ASCC3: variants seen among roughly 807,000 people sequenced by gnomAD.
ASCC3 encodes activating signal cointegrator 1 complex subunit 3.
A neutral mutation model predicts 256.3 loss-of-function variants in ASCC3; 158 were observed. The ratio of observed to expected loss-of-function variants is 0.62; its 90% CI spans 0.54 to 0.70. The LOEUF (loss-of-function observed/expected upper bound fraction) is 0.70. Ranked by LOEUF, ASCC3 falls within the 30% of genes least tolerant of loss-of-function variation. The pLI is 0.00. For missense variants in ASCC3, 2,259 were observed against 2,626.0 expected (o/e 0.86, Z 3.05); for synonymous variants, 948 against 883.4 (o/e 1.07, Z -1.30).
rs755098055 is a variant in ASCC3 at position 100,589,897 on chromosome 6, T to A, written c.5415+51A>T. The stretch of plus-strand genomic sequence containing the variant: ...GATAGTATTAAAAGCAAAAGACCTG[T>A]CAAAAAGCTGGGCAATCTTTTCAAT... On this transcript the variant is annotated intron_variant, in intron 35 of 41. Transcript: ENST00000369162. The A allele has an allele frequency of 3.1e-6, 5 of 1,593,672 alleles. No individual in the cohort carries two copies. In the Admixed American group the frequency reaches 8.4e-5, roughly 27 times the overall value.
At chr6:100,560,401 C>T (rs1246805462) in intron 36 of ASCC3, among the ~76,000 whole-genome samples, 2 of 152,046 alleles carry the variant, frequency 1.3e-5, no homozygotes, top group Admixed American at 1.3e-4. Context: ...TTCTGTTTCC[C>T]CCAGAATCAG....
intron 1 of ASCC3, among the ~76,000 whole-genome samples, chr6:100,869,907 TA>T (rs763911856): frequency 8.6e-5 from 13 of 151,698 alleles, no homozygotes; most frequent in Non-Finnish European, 1.6e-4. Flanking sequence ...AGGAAGGGAT[TA>T]AAAAAAACCT....
At chr6:100,868,821 G>A (rs547838652) in intron 1 of ASCC3, among the ~76,000 whole-genome samples, 1 of 152,314 alleles carries the variant, frequency 6.6e-6, no homozygotes, top group Non-Finnish European at 1.5e-5. Context: ...AACAGCTGAT[G>A]AGGGGGAAGA....
intron 4 of ASCC3, among the ~76,000 whole-genome samples, chr6:100,814,182 C>T (rs1053702211): frequency 6.6e-6 from 1 of 152,170 alleles, no homozygotes; most frequent in Admixed American, 6.5e-5. Flanking sequence ...GCCTTTTCTA[C>T]ATCTATTGAG....
intron 10 of ASCC3, among the ~76,000 whole-genome samples, chr6:100,727,139 G>A (rs1048111628): frequency 6.6e-6 from 1 of 151,862 alleles, no homozygotes; most frequent in Admixed American, 6.6e-5. Context: ...ATTGTTTAAC[G>A]ACTACTCCAT....
At chr6:100,609,736 C>A (rs1773297609) in intron 30 of ASCC3, among the ~76,000 whole-genome samples, 1 of 151,992 alleles carries the variant, frequency 6.6e-6, no homozygotes, top group Non-Finnish European at 1.5e-5. Context: ...CATGGAGAAA[C>A]CTCGTCTCTA....
chr6:100,802,193 T>C (rs1214683746), intron 5 of ASCC3, among the ~76,000 whole-genome samples: 1 of 152,010 alleles, frequency 6.6e-6, no homozygotes, highest in Non-Finnish European at 1.5e-5. Context: ...TGTATGGTTC[T>C]CCTTGCTGGG....
At chr6:100,805,615 C>T in intron 5 of ASCC3, 145 bp downstream of exon 5, 1 of 1,021,440 alleles carries the variant, frequency 9.8e-7, no homozygotes, top group Non-Finnish European at 1.4e-6. Flanking sequence ...TCATAATATG[C>T]CATATCTAAA....
In ASCC3 at chr6:100,565,566, T is replaced by C. The variant is rs576050720; in HGVS notation, c.5550+24068A>G. Among the ~76,000 whole-genome samples, 17 of 152,268 alleles carry C rather than the reference T, an allele frequency of 1.1e-4. No homozygotes were observed. In the South Asian group the frequency reaches 2.7e-3, roughly 24 times the overall value. On this transcript the variant is annotated intron_variant, in intron 36 of 41. Coordinates refer to ENST00000369162, the MANE Select transcript of ASCC3 (RefSeq NM_006828.4). ...TTAAAGAGCCTTACTGCTTTTTTAT[T>C]TGGAGGTAGGATGATGTGGCAGTGA...
At chr6:100,523,610 A>G (rs573715595) in intron 37 of ASCC3, among the ~76,000 whole-genome samples, 1 of 152,292 alleles carries the variant, frequency 6.6e-6, no homozygotes, top group Non-Finnish European at 1.5e-5. Flanking sequence ...GGTATCCCTT[A>G]TGACTTGGAT....
chr6:100,561,142 AC>A (rs1231977073), intron 36 of ASCC3, among the ~76,000 whole-genome samples: 190 of 151,944 alleles, frequency 1.3e-3, no homozygotes, highest in African/African-American at 4.5e-3. Context: ...AAAAAAAAAA[AC>A]CATTGCTTGG....
At chr6:100,669,308 A>T (rs1442156144) in intron 14 of ASCC3, among the ~76,000 whole-genome samples, 5 of 149,690 alleles carry the variant, frequency 3.3e-5, no homozygotes, top group Non-Finnish European at 5.9e-5. Context: ...AAAGTTTTAT[A>T]AAAAGACATA....
chr6:100,806,957 T>C (rs1770215028), intron 4 of ASCC3, among the ~76,000 whole-genome samples: 1 of 151,876 alleles, frequency 6.6e-6, no homozygotes, highest in African/African-American at 2.4e-5. Context: ...TTATTGTTAT[T>C]TTTGGACTTA....
At chr6:100,702,181 T>C (rs1481995361) in intron 13 of ASCC3, among the ~76,000 whole-genome samples, 2 of 152,022 alleles carry the variant, frequency 1.3e-5, no homozygotes, top group African/African-American at 4.8e-5. Context: ...GACATGATGG[T>C]TGCTTGGCTT....
chr6:100,617,179 A>AT (rs1394828115), intron 30 of ASCC3, among the ~76,000 whole-genome samples: 9 of 151,458 alleles, frequency 5.9e-5, no homozygotes, highest in African/African-American at 1.7e-4. Flanking sequence ...TAATTTTTGT[A>AT]TTTTTTTTAG....
chr6:100,797,034 TC>T (rs1301198313), intron 8 of ASCC3, among the ~76,000 whole-genome samples: 16 of 152,040 alleles, frequency 1.1e-4, no homozygotes, highest in African/African-American at 3.9e-4. Context: ...ACTCTTTTAC[TC>T]CAAGAATCCA....
chr6:100,619,507 A>G (rs150139093), intron 30 of ASCC3, among the ~76,000 whole-genome samples: 150 of 152,332 alleles, frequency 9.8e-4, no homozygotes, highest in Middle Eastern at 3.4e-3. Flanking sequence ...ACCATATATA[A>G]AATTGCAATT....
chr6:100,870,934 A>T (rs2114562671), intron 1 of ASCC3, among the ~76,000 whole-genome samples: 1 of 152,312 alleles, frequency 6.6e-6, no homozygotes, highest in Non-Finnish European at 1.5e-5. Context: ...AAACTGGCTG[A>T]GCCCTACCAC....
At chr6:100,812,187 C>G (rs1395196269) in intron 4 of ASCC3, among the ~76,000 whole-genome samples, 2 of 152,054 alleles carry the variant, frequency 1.3e-5, no homozygotes, top group African/African-American at 2.4e-5. Context: ...CAATAACTAG[C>G]CCCAGTGGAA....
Sources: allele counts gnomAD v4.1 joint callset (sites outside exome capture counted in the v4.1 genomes callset), GRCh38; gene constraint gnomAD v4.1.1; transcripts MANE v1.5; gene names NCBI Gene and HGNC (gene_info 2026-07-23, HGNC 2026-07-21).